The following MMP16 variants were observed in gnomAD, a reference collection of about 807,000 sequenced individuals.
MMP16 encodes the protein matrix metallopeptidase 16.
In MMP16, 12 loss-of-function variants were observed where a neutral mutation model predicts 67.8. The ratio of observed to expected loss-of-function variants is 0.18; its 90% CI spans 0.11 to 0.29. The LOEUF (loss-of-function observed/expected upper bound fraction) is 0.29. Ranked by LOEUF, MMP16 falls within the 10% of genes least tolerant of loss-of-function variation. The pLI is 1.00. For synonymous variants in MMP16, 249 were observed against 255.9 expected (o/e 0.97, Z 0.26); for missense variants, 475 against 765.7 (o/e 0.62, Z 4.48).
At chr8:88,322,363 T>C (rs1351321166) in intron 1 of MMP16, among the ~76,000 whole-genome samples, 1 of 152,082 alleles carries the variant, frequency 6.6e-6, no homozygotes, top group Non-Finnish European at 1.5e-5. Flanking sequence ...GGGAAGAAAA[T>C]GTACTGATGT....
At chr8:88,198,472 T>A in intron 1 of MMP16, among the ~76,000 whole-genome samples, 1 of 152,242 alleles carries the variant, frequency 6.6e-6, no homozygotes, top group East Asian at 1.9e-4. Context: ...TCCTATGAAA[T>A]TGTAGTTTTT....
intron 1 of MMP16, among the ~76,000 whole-genome samples, chr8:88,249,362 G>C (rs1810170356): frequency 6.6e-6 from 1 of 152,074 alleles, no homozygotes; most frequent in African/African-American, 2.4e-5. Flanking sequence ...CTTTGTAACT[G>C]GCTTTTAGTT....
Position 88,186,623 on chromosome 8 carries a change from AAAAGC to A in MMP16, c.282-30_282-26del. 2.6e-6 allele frequency: 4 copies of A among 1,562,338 alleles called. No individual in the cohort carries two copies. The South Asian group carries it at 3.6e-5, about 14-fold the overall frequency. On this transcript the variant is annotated intron_variant, in intron 2 of 9. Transcript: ENST00000286614. Reference sequence around the variant, plus strand: ...GCTGCAAAAAAAAAAAAAAAAAAAAAAAAGCAGTATTTTCCAGTTATTTACTAACA... The same window carrying A: ...GCTGCAAAAAAAAAAAAAAAAAAAAAAGTATTTTCCAGTTATTTACTAACA...
intron 4 of MMP16, among the ~76,000 whole-genome samples, chr8:88,162,206 C>T (rs900930707): frequency 8.6e-5 from 13 of 151,802 alleles, no homozygotes; most frequent in Non-Finnish European, 1.3e-4. Flanking sequence ...GTAGAGACTG[C>T]GCAGTAATCA....
intron 1 of MMP16, among the ~76,000 whole-genome samples, chr8:88,211,548 G>A (rs938809678): frequency 1.3e-5 from 2 of 152,226 alleles, no homozygotes; most frequent in South Asian, 2.1e-4. Context: ...CAGAGCACTA[G>A]GAGAATGGAA....
At chr8:88,070,279 T>C (rs1808530151) in intron 7 of MMP16, among the ~76,000 whole-genome samples, 1 of 152,056 alleles carries the variant, frequency 6.6e-6, no homozygotes, top group South Asian at 2.1e-4. Flanking sequence ...TTGGAAACCA[T>C]TTGATTGCTT....
intron 1 of MMP16, among the ~76,000 whole-genome samples, chr8:88,261,704 T>C (rs1315752977): frequency 4.6e-5 from 7 of 151,906 alleles, no homozygotes; most frequent in Admixed American, 3.3e-4. Flanking sequence ...GTTATATACA[T>C]ATACATATGT....
intron 4 of MMP16, among the ~76,000 whole-genome samples, chr8:88,128,752 T>C (rs958651011): frequency 1.1e-4 from 16 of 151,774 alleles, no homozygotes; most frequent in Admixed American, 1.1e-3. Flanking sequence ...CTATACTTAG[T>C]AAAACCAATC....
At chr8:88,074,538 G>A in intron 7 of MMP16, 67 bp downstream of exon 7, 1 of 1,421,478 alleles carries the variant, frequency 7.0e-7, no homozygotes, top group Non-Finnish European at 9.5e-7. Context: ...TCACTTTTGT[G>A]TGCACCACAG....
At chr8:88,107,044 T>G (rs935879411) in intron 6 of MMP16, among the ~76,000 whole-genome samples, 1 of 151,194 alleles carries the variant, frequency 6.6e-6, no homozygotes, top group Non-Finnish European at 1.5e-5. Context: ...ACTTTTATGG[T>G]TTAATATTTC....
intron 1 of MMP16, among the ~76,000 whole-genome samples, chr8:88,289,689 AACACACACACACACACAC>A (rs4043664): frequency 6.2e-5 from 9 of 144,256 alleles, no homozygotes; most frequent in South Asian, 4.6e-4. Context: ...TCCTAGAGGA[AACACACACACACACACAC>A]ACACACACAC....
At chr8:88,105,852 TC>T (rs992087369) in intron 6 of MMP16, among the ~76,000 whole-genome samples, 61 of 151,276 alleles carry the variant, frequency 4.0e-4, no homozygotes, top group African/African-American at 1.3e-3. Context: ...GATTAAATGT[TC>T]AGTGAAAAAT....
intron 1 of MMP16, among the ~76,000 whole-genome samples, chr8:88,286,328 C>T (rs1447225161): frequency 6.6e-6 from 1 of 152,086 alleles, no homozygotes; most frequent in Non-Finnish European, 1.5e-5. Flanking sequence ...TAATATTCTC[C>T]TTATCCTTGG....
intron 7 of MMP16, among the ~76,000 whole-genome samples, chr8:88,065,037 G>A (rs180895708): frequency 9.1e-4 from 139 of 152,186 alleles, no homozygotes; most frequent in African/African-American, 3.2e-3. Context: ...TCACAGCAGA[G>A]TACTAAAGCC....
intron 1 of MMP16, among the ~76,000 whole-genome samples, chr8:88,206,876 G>A (rs114644461): frequency 2.5e-4 from 38 of 152,200 alleles, no homozygotes; most frequent in African/African-American, 8.7e-4. Context: ...GACTTACTGT[G>A]ATCATTAAAT....
chr8:88,264,259 G>A (rs1323375401), intron 1 of MMP16, among the ~76,000 whole-genome samples: 1 of 152,088 alleles, frequency 6.6e-6, no homozygotes, highest in Non-Finnish European at 1.5e-5. Flanking sequence ...AAGTACAGTG[G>A]CACAGTCATA....
intron 1 of MMP16, among the ~76,000 whole-genome samples, chr8:88,233,086 G>A (rs1055055877): frequency 6.6e-6 from 1 of 152,044 alleles, no homozygotes; most frequent in Non-Finnish European, 1.5e-5. Flanking sequence ...GTTACATAGG[G>A]ATAATAATCT....
chr8:88,300,010 GTAAATA>G (rs1198130032), intron 1 of MMP16, among the ~76,000 whole-genome samples: 2 of 152,046 alleles, frequency 1.3e-5, no homozygotes, highest in Non-Finnish European at 1.5e-5. Context: ...TTCTATAAAA[GTAAATA>G]TAAATGTCTT....
intron 1 of MMP16, among the ~76,000 whole-genome samples, chr8:88,295,654 T>A (rs1201315006): frequency 2.0e-5 from 3 of 152,212 alleles, no homozygotes; most frequent in African/African-American, 4.8e-5. Flanking sequence ...TGTCTTTTTT[T>A]AATGGCTGCT....
Sources: gnomAD v4.1 joint callset for allele counts (sites outside exome capture counted in the v4.1 genomes callset) on GRCh38, gnomAD v4.1.1 for gene constraint, MANE v1.5 for transcripts, NCBI Gene and HGNC (gene_info 2026-07-23, HGNC 2026-07-21) for gene names.